Variants in TSC22D3 observed in about 807,000 individuals in gnomAD.
TSC22D3 encodes TSC22 domain family member 3.
Under a neutral mutation model 11.1 loss-of-function variants are expected in TSC22D3, and 4 were observed. The ratio of observed to expected loss-of-function variants is 0.36; its 90% CI spans 0.18 to 0.83. TSC22D3 has a LOEUF of 0.83. TSC22D3 is among the 40% of genes least tolerant of loss of function. The pLI, the probability that TSC22D3 is intolerant of heterozygous loss-of-function variation, is 0.48. For missense variants in TSC22D3, 118 were observed against 159.4 expected (o/e 0.74, Z 1.40); for synonymous variants, 77 against 70.3 (o/e 1.10, Z -0.48).
At chrX:107,724,904 C>T (rs779227751) in intron 1 of TSC22D3, among the ~76,000 whole-genome samples, 1 of 112,281 alleles carries the variant, frequency 8.9e-6, no homozygotes, top group East Asian at 2.8e-4. Flanking sequence ...ATCATATGGA[C>T]GCCTAAGAAA....
intron 1 of TSC22D3, chrX:107,722,121 T>C (rs1392378960): frequency 1.4e-5 from 4 of 288,457 alleles, no homozygotes; most frequent in African/African-American, 8.2e-5. Flanking sequence ...CTGCCCTGCA[T>C]GGCCAGGGCC....
intron 1 of TSC22D3, chrX:107,716,156 G>C: frequency 1.5e-6 from 1 of 657,423 alleles, no homozygotes; most frequent in Non-Finnish European, 2.2e-6. Flanking sequence ...GGCCGGCTCA[G>C]CGCTGCTGCC....
chrX:107,755,716 A>G (rs1929143245), intron 1 of TSC22D3, among the ~76,000 whole-genome samples: 1 of 112,762 alleles, frequency 8.9e-6, no homozygotes, highest in South Asian at 3.7e-4. Context: ...AAATTGCCAC[A>G]GTGACATATT....
rs763936198 is a variant in TSC22D3 at position 107,713,458 on chromosome X, A to G, written c.*1061T>C. Reference sequence around the variant, plus strand: ...AGGACACCATCCTTCTGTTCACTTGAAAGTTTTCCACAATAATTACAAAAC... The same window carrying G: ...AGGACACCATCCTTCTGTTCACTTGGAAGTTTTCCACAATAATTACAAAAC... On this transcript the variant is annotated 3_prime_UTR_variant, in exon 3 of 3. Transcript: ENST00000372383. The G allele has an allele frequency of 4.4e-5, 5 of 112,511 alleles. No individual in the cohort carries two copies. The highest frequency in any genetic ancestry group is 1.6e-4 in the African/African-American group (5 of 30,837). The allele number at this position is 112,511 out of a possible 1,213,427, so 9.3% of individuals were successfully genotyped here.
At chrX:107,760,008 A>C (rs953464763) in intron 1 of TSC22D3, among the ~76,000 whole-genome samples, 3 of 112,502 alleles carry the variant, frequency 2.7e-5, no homozygotes, top group Admixed American at 1.9e-4. Flanking sequence ...TTCTGCCGAG[A>C]CCGGGCCAGC....
intron 1 of TSC22D3, among the ~76,000 whole-genome samples, chrX:107,729,406 C>T (rs1203360430): frequency 8.9e-6 from 1 of 111,862 alleles, no homozygotes; most frequent in East Asian, 2.8e-4. Flanking sequence ...GGCAGAAGGG[C>T]AGGACGCTGG....
chrX:107,728,423 A>G (rs940851459), intron 1 of TSC22D3, among the ~76,000 whole-genome samples: 2 of 112,851 alleles, frequency 1.8e-5, no homozygotes, highest in East Asian at 5.6e-4. Context: ...GGGATAATTC[A>G]CCCATGTGTG....
chrX:107,716,252 A>G (rs1467811615), intron 1 of TSC22D3: 1 of 925,358 alleles, frequency 1.1e-6, no homozygotes, highest in African/African-American at 2.0e-5. Context: ...ATATGCAAAC[A>G]ATGGGGCTGT....
intron 1 of TSC22D3, among the ~76,000 whole-genome samples, chrX:107,718,704 A>G (rs778929965): frequency 2.7e-5 from 3 of 112,648 alleles, no homozygotes; most frequent in African/African-American, 9.7e-5. Context: ...AAGAGCCATT[A>G]TATTGCAAAG....
intron 1 of TSC22D3, chrX:107,722,025 G>A (rs968653841): frequency 2.0e-5 from 7 of 357,227 alleles, no homozygotes; most frequent in African/African-American, 1.3e-4. Flanking sequence ...TTGGTTTCAT[G>A]GAAAATCCCC....
At chrX:107,722,520 G>A (rs1295162618) in intron 1 of TSC22D3, among the ~76,000 whole-genome samples, 2 of 112,370 alleles carry the variant, frequency 1.8e-5, no homozygotes, top group African/African-American at 3.2e-5. Flanking sequence ...ATGCTGGGGG[G>A]TGGTTTGTTC....
intron 1 of TSC22D3, among the ~76,000 whole-genome samples, chrX:107,717,989 A>G (rs1927139601): frequency 8.9e-6 from 1 of 112,030 alleles, no homozygotes; most frequent in African/African-American, 3.3e-5. Context: ...AACACTCCAA[A>G]CCAAAGGTAT....
intron 1 of TSC22D3, among the ~76,000 whole-genome samples, chrX:107,734,619 G>A (rs1368293647): frequency 1.8e-5 from 2 of 110,437 alleles, no homozygotes; most frequent in Admixed American, 1.9e-4. Context: ...GGGGAAGCTG[G>A]TCCTGTAATG....
At chrX:107,765,635 G>C (rs1373781479) in intron 1 of TSC22D3, among the ~76,000 whole-genome samples, 1 of 112,802 alleles carries the variant, frequency 8.9e-6, no homozygotes, top group Non-Finnish European at 1.9e-5. Context: ...TGGGCAGGCA[G>C]ATTATGTTGC....
At chrX:107,760,481 G>A (rs1929387791) in intron 1 of TSC22D3, among the ~76,000 whole-genome samples, 1 of 111,930 alleles carries the variant, frequency 8.9e-6, no homozygotes, top group Non-Finnish European at 1.9e-5. Context: ...GTTTGGTTTG[G>A]GGCAGGTACC....
chrX:107,772,566 G>C (rs139428687), intron 1 of TSC22D3, among the ~76,000 whole-genome samples: 121 of 111,769 alleles, frequency 1.1e-3, no homozygotes, highest in African/African-American at 3.6e-3. Context: ...AGGAAAACAA[G>C]AGGGGATCAG....
intron 1 of TSC22D3, among the ~76,000 whole-genome samples, chrX:107,770,353 C>T (rs895058103): frequency 1.8e-5 from 2 of 109,897 alleles, no homozygotes; most frequent in Admixed American, 1.9e-4. Flanking sequence ...CAGGAATATA[C>T]ATTATGAAAT....
intron 1 of TSC22D3, among the ~76,000 whole-genome samples, chrX:107,728,945 G>A (rs1235124965): frequency 9.0e-6 from 1 of 111,505 alleles, no homozygotes; most frequent in Non-Finnish European, 1.9e-5. Flanking sequence ...CTGGTTATCT[G>A]GTGGCCTTGG....
chrX:107,764,943 A>G (rs1353982137), intron 1 of TSC22D3, among the ~76,000 whole-genome samples: 1 of 112,109 alleles, frequency 8.9e-6, no homozygotes, highest in African/African-American at 3.2e-5. Flanking sequence ...TAGGTTCCCA[A>G]GGAGAGGGTG....
Sources: gnomAD v4.1 joint callset for allele counts (sites outside exome capture counted in the v4.1 genomes callset) on GRCh38, gnomAD v4.1.1 for gene constraint, MANE v1.5 for transcripts, NCBI Gene and HGNC (gene_info 2026-07-23, HGNC 2026-07-21) for gene names.